Variants in APBA1 observed in about 807,000 individuals in gnomAD.
APBA1 encodes amyloid-beta A4 precursor protein-binding family A member 1.
APBA1 carries 55 observed loss-of-function variants against 86.6 expected under a neutral mutation model. The observed-to-expected ratio is 0.64, with a 90% CI of 0.51 to 0.80. The LOEUF is 0.80. Ranked by LOEUF, APBA1 falls within the 30% of genes least tolerant of loss-of-function variation. The pLI, the probability that APBA1 is intolerant of heterozygous loss-of-function variation, is 0.00. For missense variants in APBA1, 1,090 were observed against 1,183.0 expected (o/e 0.92, Z 1.15); for synonymous variants, 511 against 493.9 (o/e 1.03, Z -0.46).
intron 1 of APBA1, among the ~76,000 whole-genome samples, chr9:69,552,281 C>A (rs1836796014): frequency 6.6e-6 from 1 of 152,224 alleles, no homozygotes; most frequent in South Asian, 2.1e-4. Flanking sequence ...TAGATATGTC[C>A]TCCACCTTGC....
intron 1 of APBA1, among the ~76,000 whole-genome samples, chr9:69,633,025 G>A (rs1425538800): frequency 6.6e-6 from 1 of 150,834 alleles, no homozygotes; most frequent in Non-Finnish European, 1.5e-5. Context: ...CACAGCTCCT[G>A]CCAGGCTGCC....
intron 1 of APBA1, among the ~76,000 whole-genome samples, chr9:69,524,617 A>C (rs1215499701): frequency 6.6e-6 from 1 of 152,064 alleles, no homozygotes; most frequent in East Asian, 1.9e-4. Flanking sequence ...TGAAAAAAAA[A>C]ACCCTGTAAC....
At chr9:69,543,006 G>A (rs918937207) in intron 1 of APBA1, among the ~76,000 whole-genome samples, 2 of 152,232 alleles carry the variant, frequency 1.3e-5, no homozygotes, top group Non-Finnish European at 2.9e-5. Flanking sequence ...GCAGGCCCCA[G>A]CCAGCCAGCT....
chr9:69,494,419 C>T (rs1304944740), intron 2 of APBA1: 4 of 152,018 alleles, frequency 2.6e-5, no homozygotes, highest in Admixed American at 6.5e-5. Flanking sequence ...TGTCATCATC[C>T]GAGGCCACAC....
chr9:69,533,760 T>C (rs539699572), intron 1 of APBA1, among the ~76,000 whole-genome samples: 94 of 152,376 alleles, frequency 6.2e-4, no homozygotes, highest in Non-Finnish European at 7.2e-4. Flanking sequence ...AGTTCACTGA[T>C]GGATATGATT....
At chr9:69,510,253 C>T (rs1836009894) in intron 2 of APBA1, among the ~76,000 whole-genome samples, 3 of 151,892 alleles carry the variant, frequency 2.0e-5, no homozygotes, top group South Asian at 4.1e-4. Context: ...GTATAAAAAT[C>T]ACAAGCATTC....
intron 2 of APBA1, among the ~76,000 whole-genome samples, chr9:69,505,054 G>A (rs917829950): frequency 2.6e-5 from 4 of 152,082 alleles, no homozygotes; most frequent in African/African-American, 9.7e-5. Flanking sequence ...CTTGGCAGAA[G>A]AGAGAAAACA....
intron 1 of APBA1, among the ~76,000 whole-genome samples, chr9:69,671,294 A>C (rs1239635360): frequency 6.6e-6 from 1 of 152,132 alleles, no homozygotes; most frequent in East Asian, 1.9e-4. Context: ...CTAAGGAGAG[A>C]AGTAGTATCA....
intron 1 of APBA1, among the ~76,000 whole-genome samples, chr9:69,658,351 TTTC>T (rs1564105173): frequency 1.4e-5 from 2 of 145,720 alleles, no homozygotes; most frequent in Admixed American, 6.9e-5. Flanking sequence ...TCTTTCTTTC[TTTC>T]TTTCTGTGTT....
rs891202898 is a variant in APBA1, at chr9:69,538,059, GA to G, written c.-69-20781del. On this transcript the variant is annotated intron_variant, in intron 1 of 12. Coordinates refer to ENST00000265381, the MANE Select transcript of APBA1 (RefSeq NM_001163.4). ...GCCCATTGAAAAAGGCTGGAGCCTTGAAAAAAAAATGCACTAAAAGACTTGC... is the reference window on the plus strand; with the variant it reads ...GCCCATTGAAAAAGGCTGGAGCCTTGAAAAAAAATGCACTAAAAGACTTGC... Among the ~76,000 whole-genome samples the G allele has an allele frequency of 5.2e-3, 766 of 148,370 alleles. 8 individuals carry two copies. Among genetic ancestry groups the G allele is most frequent in the African/African-American group, 0.018 (719 of 40,998 alleles).
Position 69,428,655 on chromosome 9 carries a change from A to T in APBA1, c.*2672T>A, listed in dbSNP as rs555674543. On this transcript the variant is annotated 3_prime_UTR_variant, in exon 13 of 13. Coordinates refer to ENST00000265381, the MANE Select transcript of APBA1 (RefSeq NM_001163.4). Reference sequence around the variant, plus strand: ...GGGGTATTTAGATATTTACATGTATAACTATATATACTGGGATGACAGAAG... The same window carrying T: ...GGGGTATTTAGATATTTACATGTATTACTATATATACTGGGATGACAGAAG... The T allele has an allele frequency of 2.0e-5, 3 of 152,300 alleles. No individual in the cohort carries two copies. Among genetic ancestry groups the T allele is most frequent in the Admixed American group, 2.0e-4 (3 of 15,298 alleles). The allele number at this position is 152,300 out of a possible 1,614,324, so 9.4% of individuals were successfully genotyped here.
At position 69,516,170 on chromosome 9, in the gene APBA1, C is replaced by A. The variant is rs150860646; in HGVS notation, c.1041G>T (p.Ser347=). The change falls in exon 2 of 13, where the codon TCG becomes TCT. Residue 347 remains serine (S), a synonymous_variant. Coordinates refer to ENST00000265381, the MANE Select transcript of APBA1 (RefSeq NM_001163.4). This position sits in a 1 kb window ranked among gnomAD's most constrained non-coding sequence, Gnocchi z 7.3. ...RYSKEKRDAI[S]LAIKDIKEAI... ...CCTCCTTGATGTCCTTGATGGCCAG[C>A]GAGATGGCATCGCGCTTCTCCTTGC... 1 of 1,610,844 alleles carries A rather than the reference C, an allele frequency of 6.2e-7. No individual in the cohort carries two copies. The highest frequency in any genetic ancestry group is 8.5e-7 in the Non-Finnish European group (1 of 1,178,524).
intron 1 of APBA1, among the ~76,000 whole-genome samples, chr9:69,554,221 T>G (rs888105819): frequency 6.6e-6 from 1 of 152,222 alleles, no homozygotes; most frequent in Non-Finnish European, 1.5e-5. Context: ...ACATACTATC[T>G]TTAATCCTCA....
chr9:69,455,321 T>A lies in APBA1; in HGVS notation c.1788+926A>T, dbSNP rs73443780. ...AGGGGGTGGGTGAGTTTTCTGCTAT[T>A]AAAAATTACTATAGGGCTGTGGCCT... On this transcript the variant is annotated intron_variant, in intron 8 of 12. Transcript: ENST00000265381. Among the ~76,000 whole-genome samples the A allele has an allele frequency of 5.8e-3, 888 of 152,026 alleles. 8 individuals carry two copies. The highest frequency in any genetic ancestry group is 0.02 in the African/African-American group (842 of 41,472).
chr9:69,642,697 G>GTT (rs1295948540), intron 1 of APBA1, among the ~76,000 whole-genome samples: 2 of 150,962 alleles, frequency 1.3e-5, no homozygotes, highest in Non-Finnish European at 3.0e-5. Context: ...GCAGATGAAG[G>GTT]TTTTTTTTTG....
At chr9:69,441,999 T>C (rs1834832228) in intron 10 of APBA1, among the ~76,000 whole-genome samples, 1 of 152,174 alleles carries the variant, frequency 6.6e-6, no homozygotes, top group Non-Finnish European at 1.5e-5. Flanking sequence ...CAGAAGCATC[T>C]TTAGAAAACC....
intron 5 of APBA1, among the ~76,000 whole-genome samples, chr9:69,460,313 T>C (rs977785636): frequency 6.6e-6 from 1 of 152,228 alleles, no homozygotes; most frequent in Non-Finnish European, 1.5e-5. Context: ...TCTGTCATCC[T>C]GACTGCTGCA....
intron 9 of APBA1, among the ~76,000 whole-genome samples, chr9:69,450,333 G>A (rs1467018351): frequency 1.3e-5 from 2 of 152,176 alleles, no homozygotes; most frequent in East Asian, 3.8e-4. Flanking sequence ...AAGGCTGGGT[G>A]TGCACACAGG....
At chr9:69,519,955 A>AG in intron 1 of APBA1, among the ~76,000 whole-genome samples, 1 of 152,186 alleles carries the variant, frequency 6.6e-6, no homozygotes, top group Non-Finnish European at 1.5e-5. Context: ...GGTGGAAGAT[A>AG]GTGTTAATGT....
Sources: allele counts gnomAD v4.1 joint callset (sites outside exome capture counted in the v4.1 genomes callset), GRCh38; gene constraint gnomAD v4.1.1; non-coding constraint Gnocchi (gnomAD v3.1); transcripts MANE v1.5; gene names NCBI Gene and HGNC (gene_info 2026-07-23, HGNC 2026-07-21).